HIVEP3: variants seen among roughly 807,000 people sequenced by gnomAD.
The protein encoded by HIVEP3 is transcription factor HIVEP3.
A neutral mutation model predicts 152.8 loss-of-function variants in HIVEP3; 49 were observed. That is an observed-to-expected ratio of 0.32 (90% confidence interval 0.26 to 0.41). HIVEP3 has a LOEUF of 0.41. HIVEP3 is among the 10% of genes least tolerant of loss of function. The probability of loss-of-function intolerance (pLI) is 1.00; values close to 1 mark genes in which losing one functional copy is unlikely to be tolerated. For missense variants in HIVEP3, 2,790 were observed against 3,103.3 expected (o/e 0.90, Z 2.40); for synonymous variants, 1,269 against 1,289.0 (o/e 0.98, Z 0.33).
At chr1:41,759,199 G>A (rs1001872309) in intron 1 of HIVEP3, among the ~76,000 whole-genome samples, 1 of 146,702 alleles carries the variant, frequency 6.8e-6, no homozygotes, top group Non-Finnish European at 1.5e-5. Context: ...GTCAAAAACT[G>A]CAATTACTTT....
chr1:41,812,691 G>T (rs1049706866), intron 1 of HIVEP3, among the ~76,000 whole-genome samples: 4 of 151,614 alleles, frequency 2.6e-5, no homozygotes, highest in African/African-American at 7.3e-5. Context: ...GGTGGGGGGG[G>T]ACCTGGGCTG....
chr1:41,608,211 G>A (rs992247245), intron 3 of HIVEP3, among the ~76,000 whole-genome samples: 8 of 152,218 alleles, frequency 5.3e-5, no homozygotes, highest in African/African-American at 1.9e-4. Flanking sequence ...CTGCAGGAGG[G>A]TGAAGCAGTG....
chr1:41,636,959 C>CAAAAAA (rs56258158), intron 2 of HIVEP3, among the ~76,000 whole-genome samples: 2 of 127,134 alleles, frequency 1.6e-5, no homozygotes, highest in Admixed American at 8.2e-5. Flanking sequence ...AACTCCATCT[C>CAAAAAA]AAAAAAAAAA....
chr1:41,571,165 A>C (rs116568876), intron 5 of HIVEP3, among the ~76,000 whole-genome samples: 1,631 of 152,260 alleles, frequency 0.011, 27 homozygotes, highest in African/African-American at 0.034. Flanking sequence ...CCCTTCGGAC[A>C]TAAGCCCCAA....
chr1:41,781,200 T>C (rs1649018642), intron 1 of HIVEP3, among the ~76,000 whole-genome samples: 1 of 152,198 alleles, frequency 6.6e-6, no homozygotes, highest in African/African-American at 2.4e-5. Flanking sequence ...AATCCATGCT[T>C]GGACCAGACC....
At chr1:41,589,194 G>T (rs575096497) in intron 3 of HIVEP3, among the ~76,000 whole-genome samples, 2 of 152,336 alleles carry the variant, frequency 1.3e-5, no homozygotes, top group Admixed American at 1.3e-4. Flanking sequence ...GGGCCCAGGA[G>T]CTGGGCCAAC....
chr1:41,923,153 A>G (rs1173657734), upstream of HIVEP3, among the ~76,000 whole-genome samples: 1 of 152,230 alleles, frequency 6.6e-6, no homozygotes, highest in Non-Finnish European at 1.5e-5. Context: ...TTTAGCTATA[A>G]TGGTTACTAC....
intron 5 of HIVEP3, chr1:41,535,798 T>C (rs1400620383): frequency 2.0e-5 from 3 of 151,976 alleles, no homozygotes; most frequent in African/African-American, 7.3e-5. Flanking sequence ...TTGAGTGTCT[T>C]GCCCAAAGTC....
At chr1:41,942,048 G>C (rs1645048668) in intron 1 of HIVEP3, among the ~76,000 whole-genome samples, 1 of 152,156 alleles carries the variant, frequency 6.6e-6, no homozygotes, top group Non-Finnish European at 1.5e-5. Flanking sequence ...AAGGGAGGAA[G>C]GACATGGAGA....
chr1:41,770,962 T>C (rs1265831624), intron 1 of HIVEP3, among the ~76,000 whole-genome samples: 1 of 151,694 alleles, frequency 6.6e-6, no homozygotes, highest in Non-Finnish European at 1.5e-5. Flanking sequence ...ACGGGGCATT[T>C]CTCCCCCAAG....
At chr1:41,952,422 GTTCA>G (rs142386133) in intron 1 of HIVEP3, among the ~76,000 whole-genome samples, 26 of 151,098 alleles carry the variant, frequency 1.7e-4, no homozygotes, top group Admixed American at 4.0e-4. Context: ...ATTTTCTTTT[GTTCA>G]TTCATTCATT....
chr1:41,775,271 T>C (rs1648623414), intron 1 of HIVEP3, among the ~76,000 whole-genome samples: 2 of 152,190 alleles, frequency 1.3e-5, no homozygotes, highest in African/African-American at 2.4e-5. Flanking sequence ...TCTTAGTCTT[T>C]GTGGAAGAAG....
Position 41,582,174 on chromosome 1 carries a change from G to C in HIVEP3, c.2624C>G (p.Pro875Arg). The C allele has an allele frequency of 3.7e-6, 6 of 1,614,062 alleles. No homozygotes were observed. Among genetic ancestry groups the C allele is most frequent in the Middle Eastern group, 1.6e-4 (1 of 6,062 alleles). Residue 875 changes from proline (P) to arginine (R), a missense_variant, in exon 4 of 9, where the codon CCT becomes CGT. Pro to Arg is a moderately radical substitution (Grantham distance 103). This residue lies in a region of HIVEP3 where 1,078 missense variants were observed against 1,165.3 expected (regional missense o/e 0.93). Coordinates refer to ENST00000372583, the MANE Select transcript of HIVEP3 (RefSeq NM_024503.5). The surrounding 1 kb of genome is among the most constrained non-coding windows in gnomAD (Gnocchi z 4.7). ...DRPDTEPEPP[P>R]KEPEKTEEFQ... ...CTCCTCAGTCTTCTCAGGTTCCTTAGGGGGCGGCTCTGGCTCTGTGTCCGG... is the reference window on the plus strand; with the variant it reads ...CTCCTCAGTCTTCTCAGGTTCCTTACGGGGCGGCTCTGGCTCTGTGTCCGG...
chr1:41,970,757 T>C (rs1216856748), intron 1 of HIVEP3, among the ~76,000 whole-genome samples: 2 of 152,088 alleles, frequency 1.3e-5, no homozygotes, highest in Admixed American at 1.3e-4. Context: ...ATGATTGATG[T>C]CTTTACAAAA....
At chr1:41,808,835 C>T (rs1184931204) in intron 1 of HIVEP3, among the ~76,000 whole-genome samples, 2 of 152,230 alleles carry the variant, frequency 1.3e-5, no homozygotes, top group Non-Finnish European at 2.9e-5. Context: ...GCAGTTCTTA[C>T]AAGTTGTTAT....
At chr1:41,670,598 A>G (rs1645860716) in intron 2 of HIVEP3, among the ~76,000 whole-genome samples, 1 of 152,244 alleles carries the variant, frequency 6.6e-6, no homozygotes, top group African/African-American at 2.4e-5. Context: ...AGTAAACTAT[A>G]GAGCATATTA....
chr1:41,527,637 AT>A (rs1643037755), intron 5 of HIVEP3, among the ~76,000 whole-genome samples: 1 of 91,196 alleles, frequency 1.1e-5, no homozygotes, highest in Non-Finnish European at 2.2e-5. Context: ...CGCACTCCAC[AT>A]CCCCACCCTC....
At chr1:41,641,698 A>G (rs548746483) in intron 2 of HIVEP3, among the ~76,000 whole-genome samples, 26 of 152,340 alleles carry the variant, frequency 1.7e-4, no homozygotes, top group African/African-American at 5.5e-4. Context: ...GTGGGGCCCA[A>G]CACTGCTTAC....
At chr1:41,773,407 GT>G (rs1648499525) in intron 1 of HIVEP3, among the ~76,000 whole-genome samples, 1 of 152,216 alleles carries the variant, frequency 6.6e-6, no homozygotes, top group South Asian at 2.1e-4. Flanking sequence ...TGAAATGACT[GT>G]ACTGGTTGTG....
Sources: allele counts gnomAD v4.1 joint callset (sites outside exome capture counted in the v4.1 genomes callset), GRCh38; gene constraint gnomAD v4.1.1; regional missense constraint gnomAD v4.1.1; non-coding constraint Gnocchi (gnomAD v3.1); transcripts MANE v1.5; gene names NCBI Gene and HGNC (gene_info 2026-07-23, HGNC 2026-07-21).